CCDC90B: variants seen among roughly 807,000 people sequenced by gnomAD.
CCDC90B encodes the protein coiled-coil domain containing 90B.
Under a neutral mutation model 37.0 loss-of-function variants are expected in CCDC90B, and 24 were observed. The ratio of observed to expected loss-of-function variants is 0.65; its 90% CI spans 0.47 to 0.91. CCDC90B has a LOEUF of 0.91. Among genes scored for constraint, CCDC90B ranks in the 40% least tolerant of loss-of-function variants. CCDC90B has a pLI of 0.00. For synonymous variants in CCDC90B, 113 were observed against 101.1 expected, an observed-to-expected ratio of 1.12 and a Z score of -0.71; for missense variants, 319 against 299.0, an observed-to-expected ratio of 1.07 and a Z score of -0.49.
chr11:83,285,138 G>A, intron 1 of CCDC90B: 1 of 1,263,032 alleles, frequency 7.9e-7, no homozygotes, highest in Non-Finnish European at 1.0e-6. Context: ...TGGCACTGAA[G>A]ATTCAAGAAG....
chr11:83,274,967 T>C (rs1268658674), intron 3 of CCDC90B, among the ~76,000 whole-genome samples: 1 of 152,092 alleles, frequency 6.6e-6, no homozygotes. Flanking sequence ...TTGTAGGCCT[T>C]TGAATGAAAA....
rs1863918577 is a variant in CCDC90B at position 83,261,389 on chromosome 11, T to A, written c.*522A>T. ...GCCTATCATTTTAAAATTTATTGTT[T>A]TAGTTCATTACCAAAAAGAAATCAA... On this transcript the variant is annotated 3_prime_UTR_variant, in exon 9 of 9. Coordinates refer to ENST00000529689, the MANE Select transcript of CCDC90B (RefSeq NM_021825.5). 1 of 152,214 alleles carries A rather than the reference T, an allele frequency of 6.6e-6. No individual in the cohort carries two copies. The highest frequency in any genetic ancestry group is 1.9e-4 in the East Asian group (1 of 5,200). 9.4% of individuals were successfully genotyped at this position (152,214 alleles called of 1,614,324 possible).
At chr11:83,277,477 G>T (rs1865107469) in intron 3 of CCDC90B, among the ~76,000 whole-genome samples, 1 of 151,892 alleles carries the variant, frequency 6.6e-6, no homozygotes, top group Non-Finnish European at 1.5e-5. Flanking sequence ...GGAGATTACA[G>T]TTTTAATTTT....
chr11:83,276,892 T>C (rs1865065837), intron 3 of CCDC90B, among the ~76,000 whole-genome samples: 1 of 152,206 alleles, frequency 6.6e-6, no homozygotes, highest in Admixed American at 6.5e-5. Context: ...TTTATTATTT[T>C]ATTTTTTCCC....
At chr11:83,283,279 C>A (rs955840288) in intron 1 of CCDC90B, among the ~76,000 whole-genome samples, 1 of 152,134 alleles carries the variant, frequency 6.6e-6, no homozygotes, top group African/African-American at 2.4e-5. Flanking sequence ...AATAAAGGAT[C>A]AAGAATGGCT....
chr11:83,263,953 A>G (rs1416803284), intron 8 of CCDC90B, among the ~76,000 whole-genome samples: 3 of 152,218 alleles, frequency 2.0e-5, no homozygotes, highest in African/African-American at 7.2e-5. Flanking sequence ...GAAAATGACT[A>G]AGAGTATAAA....
rs568753251 is a variant in CCDC90B at position 83,267,997 on chromosome 11, C to G, written c.595-2018G>C. Reference sequence around the variant, plus strand: ...TTTCAACCCAGAATTTCATATCTAGCCAAACTAAGCCTCATAAGTGAAGGA... The same window carrying G: ...TTTCAACCCAGAATTTCATATCTAGGCAAACTAAGCCTCATAAGTGAAGGA... On this transcript the variant is annotated intron_variant, in intron 7 of 8. Transcript: ENST00000529689. 3.3e-5 allele frequency among the ~76,000 whole-genome samples: 5 copies of G among 152,204 alleles called. No homozygotes were observed. In the East Asian group the frequency reaches 9.7e-4, roughly 29 times the overall value.
chr11:83,285,954 A>G lies in CCDC90B; in HGVS notation c.19T>C (p.Trp7Arg), dbSNP rs1865664538. Residue 7 changes from tryptophan (W) to arginine (R), a missense_variant, in exon 1 of 9, where the codon TGG (tryptophan) becomes CGG (arginine). Transcript: ENST00000529689. ...CTGCCTTGGGAGAGAAAGAGCCGCC[A>G]AGCCTGGCGACTATTCATGTCCTCA... Reference protein sequence around the residue: MNSRQAWRLFLSQGRGD... With the variant: MNSRQARRLFLSQGRGD... 1.2e-6 allele frequency: 2 copies of G among 1,612,264 alleles called. No individual in the cohort carries two copies. The highest frequency in any genetic ancestry group is 1.7e-4 in the Middle Eastern group (1 of 6,060).
At chr11:83,273,504 G>T in intron 7 of CCDC90B, 143 bp downstream of exon 7, 1 of 521,998 alleles carries the variant, frequency 1.9e-6, no homozygotes, top group Non-Finnish European at 3.2e-6. Context: ...CAAAAGTGCT[G>T]GTTAACTATA....
chr11:83,276,188 C>T (rs61900306), intron 3 of CCDC90B, among the ~76,000 whole-genome samples: 3,696 of 152,260 alleles, frequency 0.024, 90 homozygotes, highest in South Asian at 0.072. Context: ...AGAAGTCACA[C>T]AGATGTGGCC....
rs566325220 is a variant in CCDC90B at position 83,275,074 on chromosome 11, T to C, written c.325-334A>G. On this transcript the variant is annotated intron_variant, in intron 3 of 8. Coordinates refer to ENST00000529689, the MANE Select transcript of CCDC90B (RefSeq NM_021825.5). ...GAATACCCAGATGGAAAGGGTTTTA[T>C]CTCTTATTACTTTGATTTTGAGAGA... Among the ~76,000 whole-genome samples the C allele has an allele frequency of 9.1e-4, 139 of 152,306 alleles. 1 individual carries two copies. Among genetic ancestry groups the C allele is most frequent in the South Asian group, 8.1e-3 (39 of 4,830 alleles).
At chr11:83,264,330 G>T (rs922660055) in intron 8 of CCDC90B, among the ~76,000 whole-genome samples, 2 of 152,114 alleles carry the variant, frequency 1.3e-5, no homozygotes, top group Non-Finnish European at 2.9e-5. Context: ...TAAAAAATAC[G>T]TGATCTAATT....
rs2135574017 is a variant in CCDC90B at position 83,259,989 on chromosome 11, TCAGATGGGCTGGTCC to T, written c.*1907_*1921del. On this transcript the variant is annotated 3_prime_UTR_variant, in exon 9 of 9. Transcript: ENST00000529689. ...GAAGCAGAACAGAATGAATGTCTCT[TCAGATGGGCTGGTCC>T]CAAACAGGAGTGGGGAGGAAGTGGG... The T allele has an allele frequency of 6.6e-6, 1 of 152,332 alleles. No individual in the cohort carries two copies. Among genetic ancestry groups the T allele is most frequent in the African/African-American group, 2.4e-5 (1 of 41,574 alleles). 9.4% of individuals were successfully genotyped at this position (152,332 alleles called of 1,614,324 possible). A position where few individuals can be genotyped will look rare whatever the true frequency, so the allele number is the denominator to read the frequency against.
chr11:83,267,842 T>G (rs1864381459), intron 7 of CCDC90B, among the ~76,000 whole-genome samples: 1 of 152,148 alleles, frequency 6.6e-6, no homozygotes, highest in African/African-American at 2.4e-5. Flanking sequence ...GGAAAAAGTG[T>G]TAAGGGCAGC....
intron 1 of CCDC90B, among the ~76,000 whole-genome samples, chr11:83,280,667 A>C (rs937121512): frequency 2.6e-4 from 39 of 152,206 alleles, no homozygotes; most frequent in African/African-American, 8.9e-4. Context: ...ATCCCTGTTT[A>C]AAGTAGCTTT....
In CCDC90B at chr11:83,278,755, A is replaced by G. The variant is rs778355526; in HGVS notation, c.295T>C (p.Tyr99His). 1.2e-6 allele frequency: 2 copies of G among 1,612,712 alleles called. No individual in the cohort carries two copies. The highest frequency in any genetic ancestry group is 1.1e-5 in the South Asian group (1 of 91,018). ...TGAGCTTGAGTGACCATCTCTTTAT[A>G]GATAGTATCCAGGCTGACATTTGAT... The part of the protein sequence containing the change: ...ALSNVSLDTI[Y>H]KEMVTQAQQE... The change falls in exon 3 of 9, where the codon TAT (tyrosine) becomes CAT (histidine). Residue 99 changes from tyrosine to histidine, a missense_variant. By Grantham distance (83) the Tyr-to-His change is moderately conservative. Coordinates refer to ENST00000529689, the MANE Select transcript of CCDC90B (RefSeq NM_021825.5).
chr11:83,266,210 C>G (rs1864260910), intron 7 of CCDC90B, among the ~76,000 whole-genome samples: 1 of 152,216 alleles, frequency 6.6e-6, no homozygotes, highest in Non-Finnish European at 1.5e-5. Flanking sequence ...CGGGTGATTT[C>G]TGCATTTCCA....
intron 1 of CCDC90B, among the ~76,000 whole-genome samples, chr11:83,283,970 A>G (rs60246463): frequency 0.03 from 4,539 of 152,260 alleles, 199 homozygotes; most frequent in African/African-American, 0.1. Flanking sequence ...AAAAATAAAA[A>G]ATAAAAATAA....
intron 7 of CCDC90B, among the ~76,000 whole-genome samples, chr11:83,271,660 G>A (rs1213076903): frequency 6.6e-6 from 1 of 152,202 alleles, no homozygotes; most frequent in Non-Finnish European, 1.5e-5. Flanking sequence ...CTTTTACACT[G>A]TTGGTGGGAG....
Sources: allele counts gnomAD v4.1 joint callset (sites outside exome capture counted in the v4.1 genomes callset), GRCh38; gene constraint gnomAD v4.1.1; transcripts MANE v1.5; gene names NCBI Gene and HGNC (gene_info 2026-07-23, HGNC 2026-07-21).